Variants in POFUT3 observed in about 807,000 individuals in gnomAD.
The protein encoded by POFUT3 is protein O-fucosyltransferase 3.
At chr8:33,373,831 G>C in the POFUT3 span, among the ~76,000 whole-genome samples, 1 of 152,188 alleles carries the variant, frequency 6.6e-6, no homozygotes, top group Non-Finnish European at 1.5e-5. Context: ...TGGGAGAATG[G>C]AAGAGGGCAG....
chr8:33,416,557 C>A, the POFUT3 span, among the ~76,000 whole-genome samples: 1 of 151,834 alleles, frequency 6.6e-6, no homozygotes, highest in Non-Finnish European at 1.5e-5. Context: ...ACTAAAAATA[C>A]AAAATTTGCC....
the POFUT3 span, among the ~76,000 whole-genome samples, chr8:33,369,649 G>A: frequency 6.6e-6 from 1 of 151,994 alleles, no homozygotes; most frequent in Non-Finnish European, 1.5e-5. Context: ...CATTTTACTG[G>A]GCAGGTCGGC....
chr8:33,449,513 C>G, the POFUT3 span, among the ~76,000 whole-genome samples: 1 of 152,000 alleles, frequency 6.6e-6, no homozygotes, highest in Non-Finnish European at 1.5e-5. Flanking sequence ...TGGTCTCAAA[C>G]TCCTGACCTC....
chr8:33,468,179 G>A, the POFUT3 span, among the ~76,000 whole-genome samples: 1 of 151,694 alleles, frequency 6.6e-6, no homozygotes, highest in Non-Finnish European at 1.5e-5. Flanking sequence ...GGCAGAGGAT[G>A]CAGTGAGCTG....
chr8:33,365,473 A>T, the POFUT3 span, among the ~76,000 whole-genome samples: 1 of 152,216 alleles, frequency 6.6e-6, no homozygotes, highest in African/African-American at 2.4e-5. Flanking sequence ...TGAACAGGCA[A>T]CCTACAGAAT....
the POFUT3 span, among the ~76,000 whole-genome samples, chr8:33,399,714 G>A: frequency 3.3e-5 from 5 of 151,898 alleles, no homozygotes; most frequent in Non-Finnish European, 5.9e-5. Flanking sequence ...GAATGCAGAG[G>A]CACAATCTCA....
chr8:33,314,103 A>G, the POFUT3 span, among the ~76,000 whole-genome samples: 1 of 152,196 alleles, frequency 6.6e-6, no homozygotes, highest in Non-Finnish European at 1.5e-5. Flanking sequence ...GTGCTGAGTT[A>G]TCATCGGCCT....
the POFUT3 span, among the ~76,000 whole-genome samples, chr8:33,424,070 C>T: frequency 2.0e-5 from 3 of 151,170 alleles, no homozygotes; most frequent in Non-Finnish European, 2.9e-5. Flanking sequence ...ACCCAGGAGG[C>T]GGAGGTTGCA....
At chr8:33,311,870 T>C in the POFUT3 span, among the ~76,000 whole-genome samples, 1 of 152,222 alleles carries the variant, frequency 6.6e-6, no homozygotes, top group East Asian at 1.9e-4. Flanking sequence ...ACCTGTGAAC[T>C]TGACCGTATT....
At chr8:33,372,860 C>G in the POFUT3 span, 2 of 1,506,068 alleles carry the variant, frequency 1.3e-6, no homozygotes, top group Admixed American at 3.8e-5. Context: ...AAGCACAATT[C>G]CCTTAAAGCA....
chr8:33,396,096 G>A, the POFUT3 span, among the ~76,000 whole-genome samples: 7 of 152,118 alleles, frequency 4.6e-5, no homozygotes, highest in African/African-American at 7.2e-5. Context: ...TGGTGATAGC[G>A]ATAGTAGCAG....
At chr8:33,386,573 G>A in the POFUT3 span, among the ~76,000 whole-genome samples, 2 of 152,184 alleles carry the variant, frequency 1.3e-5, no homozygotes, top group East Asian at 3.9e-4. Context: ...CACTTTGTGA[G>A]GCTGAGGCGG....
the POFUT3 span, among the ~76,000 whole-genome samples, chr8:33,440,351 G>T: frequency 6.6e-6 from 1 of 152,062 alleles, no homozygotes; most frequent in Non-Finnish European, 1.5e-5. Flanking sequence ...AACTGAGCAA[G>T]ACCCTCTCTC....
At chr8:33,436,977 A>G in the POFUT3 span, among the ~76,000 whole-genome samples, 2 of 151,966 alleles carry the variant, frequency 1.3e-5, no homozygotes. Flanking sequence ...TGGGTACCCT[A>G]TGTTGAGTTA....
the POFUT3 span, among the ~76,000 whole-genome samples, chr8:33,432,533 T>C: frequency 1.3e-5 from 2 of 152,188 alleles, no homozygotes; most frequent in South Asian, 2.1e-4. Context: ...GTGATTCACA[T>C]GTACATTTAG....
the POFUT3 span, among the ~76,000 whole-genome samples, chr8:33,460,244 C>T: frequency 6.6e-5 from 10 of 151,764 alleles, no homozygotes; most frequent in African/African-American, 1.9e-4. Flanking sequence ...GTCCCAGCTA[C>T]TGGAGATGCT....
At chr8:33,435,281 G>C in the POFUT3 span, among the ~76,000 whole-genome samples, 66 of 150,182 alleles carry the variant, frequency 4.4e-4, no homozygotes, top group African/African-American at 1.5e-3. Context: ...GCAGTGGCGT[G>C]ATCTCAGCTC....
chr8:33,388,441 A>G, the POFUT3 span, among the ~76,000 whole-genome samples: 12 of 149,536 alleles, frequency 8.0e-5, no homozygotes, highest in African/African-American at 3.0e-4. Flanking sequence ...GATTCCAGCA[A>G]TTCTCCCACT....
At chr8:33,318,079 A>G in the POFUT3 span, among the ~76,000 whole-genome samples, 64,930 of 151,626 alleles carry the variant, frequency 0.43, 15,598 homozygotes, top group East Asian at 0.8. Flanking sequence ...GAGAGAGTGC[A>G]GTCTTTTGAT....
Sources: allele counts gnomAD v4.1 joint callset (sites outside exome capture counted in the v4.1 genomes callset), GRCh38; gene constraint gnomAD v4.1.1; transcripts MANE v1.5; gene names NCBI Gene and HGNC (gene_info 2026-07-23, HGNC 2026-07-21).